KAT6B: variants seen among roughly 807,000 people sequenced by gnomAD.
KAT6B encodes the protein lysine acetyltransferase 6B, also known as histone acetyltransferase KAT6B.
A neutral mutation model predicts 187.5 loss-of-function variants in KAT6B; 10 were observed. The ratio of observed to expected loss-of-function variants is 0.05; its 90% CI spans 0.03 to 0.09. The LOEUF (loss-of-function observed/expected upper bound fraction) is 0.09. Ranked by LOEUF, KAT6B falls within the 10% of genes least tolerant of loss-of-function variation. KAT6B has a pLI of 1.00. For missense variants in KAT6B, 1,952 were observed against 2,558.9 expected (o/e 0.76, Z 5.12); for synonymous variants, 861 against 926.8 (o/e 0.93, Z 1.29).
chr10:74,893,671 T>C (rs1297079456), intron 3 of KAT6B, among the ~76,000 whole-genome samples: 2 of 151,632 alleles, frequency 1.3e-5, no homozygotes, highest in South Asian at 2.1e-4. Context: ...GGTTTCACCA[T>C]ATTGGCCAGG....
chr10:74,851,104 C>G (rs911814682), intron 3 of KAT6B, among the ~76,000 whole-genome samples: 5 of 147,612 alleles, frequency 3.4e-5, no homozygotes, highest in African/African-American at 1.3e-4. Context: ...AGAAAAAAAT[C>G]AAAATGATTT....
chr10:74,980,535 A>G (rs972403174), intron 10 of KAT6B, among the ~76,000 whole-genome samples: 1 of 152,240 alleles, frequency 6.6e-6, no homozygotes, highest in Non-Finnish European at 1.5e-5. Context: ...ATTTTAAAAG[A>G]CTATGAGCTT....
At chr10:74,843,557 C>T in intron 3 of KAT6B, 79 bp downstream of exon 3, 1 of 1,531,034 alleles carries the variant, frequency 6.5e-7, no homozygotes, top group Non-Finnish European at 9.0e-7. Flanking sequence ...TTTATGTGGA[C>T]AAAAGTTCTG....
chr10:74,875,539 C>T (rs1476637024), intron 3 of KAT6B, among the ~76,000 whole-genome samples: 1 of 150,628 alleles, frequency 6.6e-6, no homozygotes, highest in Non-Finnish European at 1.5e-5. Context: ...TGCAGTGGCT[C>T]ATGGCAACCT....
At chr10:74,981,951 A>G (rs770064405) in intron 11 of KAT6B, 23 bp downstream of exon 11, 1 of 1,611,350 alleles carries the variant, frequency 6.2e-7, no homozygotes. Flanking sequence ...AAATAAAAAA[A>G]TTCAGCTTTT....
At chr10:74,873,899 A>G (rs1283833574) in intron 3 of KAT6B, among the ~76,000 whole-genome samples, 1 of 152,172 alleles carries the variant, frequency 6.6e-6, no homozygotes, top group Non-Finnish European at 1.5e-5. Flanking sequence ...TAGAGTTATC[A>G]GGTGCAGACA....
intron 3 of KAT6B, among the ~76,000 whole-genome samples, chr10:74,945,746 G>T (rs1198912613): frequency 6.6e-6 from 1 of 152,088 alleles, no homozygotes; most frequent in African/African-American, 2.4e-5. Context: ...CACTGTGCCC[G>T]CCGGCCTGCC....
intron 10 of KAT6B, 118 bp downstream of exon 10, chr10:74,979,457 T>C (rs950088616): frequency 1.3e-5 from 10 of 755,702 alleles, no homozygotes; most frequent in African/African-American, 1.0e-4. Context: ...TGGTAGTCAA[T>C]GCCAAGTGCT....
At chr10:74,868,168 A>G (rs961352261) in intron 3 of KAT6B, among the ~76,000 whole-genome samples, 1 of 152,220 alleles carries the variant, frequency 6.6e-6, no homozygotes, top group Non-Finnish European at 1.5e-5. Flanking sequence ...CATGCTTAAT[A>G]ACATCATCTT....
intron 3 of KAT6B, among the ~76,000 whole-genome samples, chr10:74,950,656 T>G (rs1214522779): frequency 6.6e-6 from 1 of 152,136 alleles, no homozygotes; most frequent in Non-Finnish European, 1.5e-5. Context: ...TAGTTCTTTA[T>G]TAGGTAAGTG....
intron 3 of KAT6B, among the ~76,000 whole-genome samples, chr10:74,948,579 A>G (rs1464222663): frequency 6.6e-6 from 1 of 152,180 alleles, no homozygotes; most frequent in African/African-American, 2.4e-5. Context: ...TAATAGTAAG[A>G]ATGTCTACAT....
chr10:74,838,312 C>T (rs1841470488), intron 1 of KAT6B, among the ~76,000 whole-genome samples: 1 of 152,076 alleles, frequency 6.6e-6, no homozygotes, highest in Non-Finnish European at 1.5e-5. Flanking sequence ...GTCTTTTTTT[C>T]TGATAAATGT....
chr10:74,998,455 A>C (rs905334592), intron 13 of KAT6B, among the ~76,000 whole-genome samples: 13 of 152,288 alleles, frequency 8.5e-5, no homozygotes, highest in Admixed American at 8.5e-4. Flanking sequence ...AAAAAGGTGT[A>C]ATTAATAGAA....
intron 3 of KAT6B, among the ~76,000 whole-genome samples, chr10:74,869,612 T>C (rs569662172): frequency 7.1e-4 from 108 of 152,346 alleles, no homozygotes; most frequent in African/African-American, 2.4e-3. Context: ...AAAAAGACTT[T>C]TCCCACCTCT....
At chr10:74,887,660 C>T (rs1845376318) in intron 3 of KAT6B, among the ~76,000 whole-genome samples, 1 of 151,950 alleles carries the variant, frequency 6.6e-6, no homozygotes, top group African/African-American at 2.4e-5. Flanking sequence ...TCAGGCTGAC[C>T]AGGCTGGCAC....
At chr10:74,873,725 A>T (rs1844188927) in intron 3 of KAT6B, among the ~76,000 whole-genome samples, 1 of 152,140 alleles carries the variant, frequency 6.6e-6, no homozygotes, top group Admixed American at 6.5e-5. Flanking sequence ...GATGTTCCCC[A>T]CTTGGTGCAC....
intron 3 of KAT6B, among the ~76,000 whole-genome samples, chr10:74,867,220 G>T (rs1843617781): frequency 6.6e-6 from 1 of 152,122 alleles, no homozygotes; most frequent in Non-Finnish European, 1.5e-5. Flanking sequence ...GACTCTCGAA[G>T]CATAATAAAG....
chr10:75,014,601 G>A (rs1045974253), intron 13 of KAT6B, among the ~76,000 whole-genome samples: 4 of 152,142 alleles, frequency 2.6e-5, no homozygotes, highest in Admixed American at 6.5e-5. Flanking sequence ...TGAGGCCAAA[G>A]CATTTGAAAA....
chr10:74,951,458 C>T (rs1840315191), intron 3 of KAT6B, among the ~76,000 whole-genome samples: 2 of 151,356 alleles, frequency 1.3e-5, no homozygotes, highest in Non-Finnish European at 2.9e-5. Context: ...TTTTAATAAC[C>T]TTGTATTCTT....
Sources: gnomAD v4.1 joint callset for allele counts (sites outside exome capture counted in the v4.1 genomes callset) on GRCh38, gnomAD v4.1.1 for gene constraint, MANE v1.5 for transcripts, NCBI Gene and HGNC (gene_info 2026-07-23, HGNC 2026-07-21) for gene names.